The following TEX9 variants were observed in gnomAD, a reference collection of about 807,000 sequenced individuals.
The protein encoded by TEX9 is testis expressed 9.
A neutral mutation model predicts 59.6 loss-of-function variants in TEX9; 74 were observed. That is an observed-to-expected ratio of 1.24 (90% CI 1.03 to 1.51). The LOEUF is 1.51. TEX9 is among the 40% of genes most tolerant of loss of function. The pLI is 0.00. For synonymous variants in TEX9, 186 were observed against 152.2 expected, an observed-to-expected ratio of 1.22 and a Z score of -1.64; for missense variants, 522 against 447.8, an observed-to-expected ratio of 1.17 and a Z score of -1.49.
chr15:56,276,771 T>G (rs2044677640), intron 1 of TEX9, among the ~76,000 whole-genome samples: 1 of 152,248 alleles, frequency 6.6e-6, no homozygotes, highest in Non-Finnish European at 1.5e-5. Flanking sequence ...CCACAGTGGT[T>G]GAACTAATTT....
At chr15:56,315,353 C>G (rs1373733008) in intron 1 of TEX9, among the ~76,000 whole-genome samples, 1 of 146,736 alleles carries the variant, frequency 6.8e-6, no homozygotes, top group East Asian at 1.9e-4. Flanking sequence ...CTGGTGGTGA[C>G]AAAATCTCTC....
chr15:56,329,585 AAG>A (rs1467607358), intron 1 of TEX9, among the ~76,000 whole-genome samples: 1 of 152,172 alleles, frequency 6.6e-6, no homozygotes, highest in African/African-American at 2.4e-5. Context: ...AAATTTAACA[AAG>A]AGATGGAAAT....
At chr15:56,278,689 C>G (rs1361762222) in intron 1 of TEX9, among the ~76,000 whole-genome samples, 1 of 152,138 alleles carries the variant, frequency 6.6e-6, no homozygotes, top group Non-Finnish European at 1.5e-5. Context: ...AACTTTTCCA[C>G]TTTCCCCACA....
chr15:56,365,435 G>C (rs754714236), exon 1 of TEX9: 1 of 1,609,326 alleles, frequency 6.2e-7, no homozygotes, highest in Non-Finnish European at 8.5e-7. Flanking sequence ...CGGTAACCGC[G>C]TCGCAGTCGC....
chr15:56,381,892 C>CA (rs2047745785), intron 3 of TEX9, among the ~76,000 whole-genome samples: 1 of 152,224 alleles, frequency 6.6e-6, no homozygotes, highest in African/African-American at 2.4e-5. Flanking sequence ...CCCTAGAGCT[C>CA]TACAATCAGC....
At chr15:56,269,581 C>T (rs948509521) in intron 1 of TEX9, among the ~76,000 whole-genome samples, 8 of 151,690 alleles carry the variant, frequency 5.3e-5, no homozygotes, top group African/African-American at 1.2e-4. Flanking sequence ...GTTATTTGCC[C>T]GGTGGTCATT....
At chr15:56,311,461 A>C (rs2045614495) in intron 1 of TEX9, among the ~76,000 whole-genome samples, 1 of 124,646 alleles carries the variant, frequency 8.0e-6, no homozygotes, top group Non-Finnish European at 1.7e-5. Context: ...TGTCCCTACA[A>C]AGGACATGAA....
intron 1 of TEX9, among the ~76,000 whole-genome samples, chr15:56,258,937 T>C (rs2044205540): frequency 1.3e-5 from 2 of 149,662 alleles, no homozygotes; most frequent in African/African-American, 4.9e-5. Context: ...TATATGTATA[T>C]ATAAAACATA....
intron 1 of TEX9, among the ~76,000 whole-genome samples, chr15:56,355,674 A>G (rs1272063867): frequency 6.6e-6 from 1 of 152,136 alleles, no homozygotes; most frequent in African/African-American, 2.4e-5. Flanking sequence ...ATTGGAGAGA[A>G]CTGACATCTT....
At position 56,254,281 on chromosome 15, in the gene TEX9, A is replaced by G. The variant is rs189583696; in HGVS notation, c.-107+10003A>G. On this transcript the variant is annotated intron_variant, in intron 1 of 5. Transcript: ENST00000560827. ...GGCTCTAGATTGCTGAGGAGGTAGG[A>G]TAAATTTCAGGGATGCTACAAGCTC... Among the ~76,000 whole-genome samples the G allele has an allele frequency of 3.2e-3, 488 of 152,136 alleles. 2 individuals carry two copies. The highest frequency in any genetic ancestry group is 6.8e-3 in the Middle Eastern group (2 of 294).
chr15:56,292,078 C>G (rs541168823), intron 1 of TEX9, among the ~76,000 whole-genome samples: 26 of 152,308 alleles, frequency 1.7e-4, no homozygotes, highest in Admixed American at 1.5e-3. Flanking sequence ...GTATACATCT[C>G]AAAGTGATGA....
At chr15:56,423,243 T>A (rs562122944) in intron 10 of TEX9, among the ~76,000 whole-genome samples, 4 of 152,206 alleles carry the variant, frequency 2.6e-5, no homozygotes, top group Non-Finnish European at 4.4e-5. Flanking sequence ...GCAGTGCTTA[T>A]ACTCTGTCCT....
chr15:56,366,443 T>C (rs1044563822), intron 2 of TEX9, among the ~76,000 whole-genome samples: 17 of 152,222 alleles, frequency 1.1e-4, no homozygotes, highest in Admixed American at 9.8e-4. Flanking sequence ...AAAGAGACAG[T>C]CACACACGCC....
rs1343281464 is a variant in TEX9 at position 56,429,346 on chromosome 15, T to A, written c.*29+873T>A. ...GAAACTTTAAAAAAATCAATACTTTTCAAAAAATAAGACTTTACATATATA... is the reference window on the plus strand; with the variant it reads ...GAAACTTTAAAAAAATCAATACTTTACAAAAAATAAGACTTTACATATATA... On this transcript the variant is annotated intron_variant, in intron 12 of 12. Transcript: ENST00000352903. 5.3e-6 allele frequency: 3 copies of A among 569,734 alleles called. No homozygotes were observed. In the African/African-American group the frequency reaches 5.9e-5, roughly 11 times the overall value. 35.3% of individuals were successfully genotyped at this position (569,734 alleles called of 1,614,324 possible).
chr15:56,436,709 G>A (rs141419366), intron 12 of TEX9, among the ~76,000 whole-genome samples: 4 of 152,184 alleles, frequency 2.6e-5, no homozygotes, highest in Non-Finnish European at 4.4e-5. Context: ...TAGACCGCTA[G>A]CAAGACTCAT....
chr15:56,375,735 G>T (rs2047409669), intron 3 of TEX9, among the ~76,000 whole-genome samples: 1 of 151,888 alleles, frequency 6.6e-6, no homozygotes, highest in African/African-American at 2.4e-5. Context: ...ATACCCAAAG[G>T]ACTATAAATC....
chr15:56,435,259 A>C (rs1209960076), intron 12 of TEX9, among the ~76,000 whole-genome samples: 1 of 151,980 alleles, frequency 6.6e-6, no homozygotes, highest in Non-Finnish European at 1.5e-5. Flanking sequence ...CCCCCACTTC[A>C]AGAACCTATA....
chr15:56,336,811 T>A (rs1239776801), intron 1 of TEX9, among the ~76,000 whole-genome samples: 1 of 152,156 alleles, frequency 6.6e-6, no homozygotes, highest in Non-Finnish European at 1.5e-5. Context: ...TACTCCTACA[T>A]CAGCCAGTCT....
At chr15:56,322,696 A>G (rs1208109796) in intron 1 of TEX9, among the ~76,000 whole-genome samples, 2 of 152,176 alleles carry the variant, frequency 1.3e-5, no homozygotes, top group East Asian at 1.9e-4. Context: ...GCCCATGTGT[A>G]TGAATGGAGA....
Sources: gnomAD v4.1 joint callset for allele counts (sites outside exome capture counted in the v4.1 genomes callset) on GRCh38, gnomAD v4.1.1 for gene constraint, MANE v1.5 for transcripts, NCBI Gene and HGNC (gene_info 2026-07-23, HGNC 2026-07-21) for gene names.